Variants in CCND3 observed in about 807,000 individuals in gnomAD.
CCND3 encodes G1/S-specific cyclin-D3.
Under a neutral mutation model 28.7 loss-of-function variants are expected in CCND3, and 9 were observed. The observed-to-expected ratio is 0.31, with a 90% CI of 0.19 to 0.55. CCND3 has a LOEUF of 0.55. Among genes scored for constraint, CCND3 ranks in the 20% least tolerant of loss-of-function variants. The pLI is 0.93. For missense variants in CCND3, 315 were observed against 385.8 expected, an observed-to-expected ratio of 0.82 and a Z score of 1.54; for synonymous variants, 164 against 163.9, an observed-to-expected ratio of 1.00 and a Z score of 0.00.
At chr6:41,991,092 C>CT (rs1350206298) in intron 1 of CCND3, among the ~76,000 whole-genome samples, 2 of 151,278 alleles carry the variant, frequency 1.3e-5, no homozygotes, top group African/African-American at 2.4e-5. Context: ...GAATTTCCCT[C>CT]TTGTTGCCCA....
rs148077424 is a variant in CCND3, at chr6:42,035,421, G to A, written c.-46+13080C>T. On this transcript the variant is annotated intron_variant, in intron 1 of 4. Coordinates refer to the CCND3 transcript ENST00000372988. The stretch of plus-strand genomic sequence containing the variant: ...CTCACACTGTCGCCCAGGCTGGAGT[G>A]CAGTGGCTCGATCTCGGCTCACTGC... 5.6e-3 allele frequency among the ~76,000 whole-genome samples: 844 copies of A among 151,950 alleles called. 5 individuals are homozygous for A. Among genetic ancestry groups the A allele is most frequent in the African/African-American group, 0.019 (791 of 41,436 alleles).
In CCND3 at chr6:41,936,568, G is replaced by T. The variant is rs1441983662; in HGVS notation, c.702C>A (p.Gly234=). Residue 234 remains glycine, a synonymous_variant, in exon 4 of 5, where the codon GGC becomes GGA. Coordinates refer to ENST00000372991, the MANE Select transcript of CCND3 (RefSeq NM_001760.5). This position sits in a 1 kb window ranked among gnomAD's most constrained non-coding sequence, Gnocchi z 4.4. ...GCTACCCAGCACTCACCACTTCAGT[G>T]CCAGTGATCCCTGCCAGCAGCTCTG... ...ELTELLAGIT[G]TEVDCLRACQ... 6.2e-7 allele frequency: 1 copy of T among 1,614,154 alleles called. No homozygotes were observed. Among genetic ancestry groups the T allele is most frequent in the Non-Finnish European group, 8.5e-7 (1 of 1,180,014 alleles).
At chr6:42,047,221 T>C (rs1182335178) in intron 1 of CCND3, among the ~76,000 whole-genome samples, 2 of 152,220 alleles carry the variant, frequency 1.3e-5, no homozygotes, top group African/African-American at 4.8e-5. Context: ...GCTACAATTA[T>C]CAGAGGCTTT....
intron 1 of CCND3, among the ~76,000 whole-genome samples, chr6:41,999,212 GT>G (rs1028007294): frequency 1.4e-4 from 3 of 21,442 alleles, no homozygotes; most frequent in African/African-American, 3.5e-4. Context: ...GCAAAACTCT[GT>G]CTCGAAAAAA....
chr6:41,991,306 G>A (rs972623655), intron 1 of CCND3, among the ~76,000 whole-genome samples: 16 of 151,976 alleles, frequency 1.1e-4, no homozygotes, highest in South Asian at 1.0e-3. Flanking sequence ...TGATCCACCC[G>A]CCTTGGTCTC....
intron 1 of CCND3, among the ~76,000 whole-genome samples, chr6:41,978,678 G>A (rs1762248295): frequency 3.3e-5 from 5 of 152,128 alleles, no homozygotes; most frequent in Admixed American, 3.3e-4. Flanking sequence ...CTGGCGTCCT[G>A]TGCTTCTTTC....
At chr6:41,962,803 C>G (rs970093273) in intron 1 of CCND3, among the ~76,000 whole-genome samples, 1 of 152,040 alleles carries the variant, frequency 6.6e-6, no homozygotes, top group Non-Finnish European at 1.5e-5. Flanking sequence ...CAGGCTGGAG[C>G]GCCATGGCGC....
In CCND3 at chr6:41,962,408, A is replaced by C. The variant is rs376275620; in HGVS notation, c.-45-21823T>G. Among the ~76,000 whole-genome samples, 13 of 151,912 alleles carry C rather than the reference A, an allele frequency of 8.6e-5. No homozygotes were observed. The East Asian group carries it at 2.0e-3, about 23-fold the overall frequency. ...AGCCACTGCGCCTGGCTGCCCAAGC[A>C]GTCTTTCAAAGACTTCAGGAATGCA... On this transcript the variant is annotated intron_variant, in intron 1 of 4. Coordinates refer to the CCND3 transcript ENST00000372988.
chr6:41,961,629 C>A (rs1038312923), intron 1 of CCND3, among the ~76,000 whole-genome samples: 1 of 152,082 alleles, frequency 6.6e-6, no homozygotes, highest in Non-Finnish European at 1.5e-5. Flanking sequence ...GCCTTCCGAA[C>A]TGCTCCTCCA....
intron 1 of CCND3, among the ~76,000 whole-genome samples, chr6:41,982,765 G>C (rs907847731): frequency 6.6e-6 from 1 of 151,632 alleles, no homozygotes. Context: ...TGAGCACCCA[G>C]GAATAGACCC....
chr6:41,998,314 T>G (rs1582145544), intron 1 of CCND3, among the ~76,000 whole-genome samples: 2 of 149,096 alleles, frequency 1.3e-5, no homozygotes, highest in Non-Finnish European at 1.5e-5. Context: ...GAATTTCAAG[T>G]GACCATTTTC....
intron 1 of CCND3, among the ~76,000 whole-genome samples, chr6:42,044,906 A>G (rs1400429983): frequency 6.6e-6 from 1 of 150,612 alleles, no homozygotes; most frequent in Non-Finnish European, 1.5e-5. Context: ...CTCCCACCTC[A>G]GCCTCCTGAG....
At chr6:41,956,506 C>T (rs1336741806) in intron 1 of CCND3, among the ~76,000 whole-genome samples, 1 of 152,102 alleles carries the variant, frequency 6.6e-6, no homozygotes, top group Non-Finnish European at 1.5e-5. Flanking sequence ...TATTCCCACC[C>T]TGCTTGCAAC....
At chr6:41,965,318 C>T (rs998341299) in intron 1 of CCND3, among the ~76,000 whole-genome samples, 21 of 152,022 alleles carry the variant, frequency 1.4e-4, no homozygotes, top group Middle Eastern at 6.8e-3. Flanking sequence ...TCCGCCTGCC[C>T]CGGCCTCCCA....
intron 1 of CCND3, among the ~76,000 whole-genome samples, chr6:42,025,674 C>T (rs953143780): frequency 6.6e-6 from 1 of 152,220 alleles, no homozygotes; most frequent in Non-Finnish European, 1.5e-5. Flanking sequence ...GAGGTGAGGG[C>T]CTATCAGATG....
intron 1 of CCND3, among the ~76,000 whole-genome samples, chr6:41,976,594 C>T (rs573477399): frequency 1.3e-5 from 2 of 152,142 alleles, no homozygotes; most frequent in African/African-American, 2.4e-5. Flanking sequence ...TCAAGGCTAC[C>T]GTGAGCCGTG....
intron 1 of CCND3, chr6:42,031,460 A>C (rs540087473): frequency 2.6e-4 from 40 of 152,292 alleles, no homozygotes; most frequent in African/African-American, 8.2e-4. Context: ...CTGGGCCTTC[A>C]CACTGTACTC....
intron 1 of CCND3, among the ~76,000 whole-genome samples, chr6:42,027,489 A>T (rs768219500): frequency 3.3e-5 from 5 of 151,992 alleles, no homozygotes; most frequent in Non-Finnish European, 1.5e-5. Flanking sequence ...CTAATGCCAA[A>T]TGAGGTTGGA....
intron 1 of CCND3, among the ~76,000 whole-genome samples, chr6:42,041,645 T>A (rs936175753): frequency 1.3e-5 from 2 of 152,298 alleles, no homozygotes; most frequent in Non-Finnish European, 2.9e-5. Context: ...ACTCCTCCCC[T>A]CTATAACCCA....
Sources: gnomAD v4.1 joint callset for allele counts (sites outside exome capture counted in the v4.1 genomes callset) on GRCh38, gnomAD v4.1.1 for gene constraint, Gnocchi (gnomAD v3.1) non-coding constraint, MANE v1.5 for transcripts, NCBI Gene and HGNC (gene_info 2026-07-23, HGNC 2026-07-21) for gene names.